The following AP3M1 variants were observed in gnomAD, a reference collection of about 807,000 sequenced individuals.
The protein encoded by AP3M1 is adaptor related protein complex 3 subunit mu 1, also known as AP-3 complex subunit mu-1.
A neutral mutation model predicts 42.6 loss-of-function variants in AP3M1; 29 were observed. The observed-to-expected ratio is 0.68, with a 90% confidence interval of 0.51 to 0.93. AP3M1 has a LOEUF of 0.93. Ranked by LOEUF, AP3M1 falls within the 40% of genes least tolerant of loss-of-function variation. The probability of loss-of-function intolerance (pLI) is 0.00; values close to 1 mark genes in which losing one functional copy is unlikely to be tolerated. For missense variants in AP3M1, 416 were observed against 510.2 expected (o/e 0.82, Z 1.78); for synonymous variants, 178 against 175.3 (o/e 1.02, Z -0.12).
Position 74,144,623 on chromosome 10 carries a change from T to C in AP3M1, c.-4+6132A>G, listed in dbSNP as rs193153267. On this transcript the variant is annotated intron_variant, in intron 1 of 8. Coordinates refer to ENST00000355264, the MANE Select transcript of AP3M1 (RefSeq NM_012095.6). ...TAAATAACCATATATGGTTAGTAGT[T>C]AATATATTGAACAGTGCATGAATGT... 2.0e-3 allele frequency among the ~76,000 whole-genome samples: 307 copies of C among 152,054 alleles called. 1 individual carries two copies. The highest frequency in any genetic ancestry group is 3.6e-3 in the Non-Finnish European group (242 of 67,988).
intron 1 of AP3M1, among the ~76,000 whole-genome samples, chr10:74,139,215 C>T (rs1841047070): frequency 6.6e-6 from 1 of 151,834 alleles, no homozygotes; most frequent in Non-Finnish European, 1.5e-5. Context: ...AATCCACACA[C>T]ACACAAAAAA....
intron 2 of AP3M1, 32 bp downstream of exon 2, chr10:74,138,075 T>C (rs1318925207): frequency 3.8e-6 from 6 of 1,590,576 alleles, no homozygotes; most frequent in Non-Finnish European, 5.1e-6. Context: ...ACTTGGGTCA[T>C]TTAACTTAGA....
chr10:74,127,003 T>TAAAAAAAAAAAAA (rs1440935313), intron 6 of AP3M1, among the ~76,000 whole-genome samples: 1 of 78,464 alleles, frequency 1.3e-5, no homozygotes, highest in Non-Finnish European at 2.6e-5. Context: ...AAAAAAAAAG[T>TAAAAAAAAAAAAA]AAAAAATAAC....
chr10:74,148,985 G>A (rs1841423946), intron 1 of AP3M1, among the ~76,000 whole-genome samples: 3 of 151,304 alleles, frequency 2.0e-5, no homozygotes, highest in South Asian at 2.1e-4. Context: ...CGATTCTCCT[G>A]CCTCAACCTC....
rs1488419728 is a variant in AP3M1, at chr10:74,121,938, A to C, written c.*1872T>G. The C allele has an allele frequency of 6.6e-6, 1 of 152,232 alleles. No individual in the cohort carries two copies. Among genetic ancestry groups the C allele is most frequent in the Non-Finnish European group, 1.5e-5 (1 of 68,050 alleles). The allele number at this position is 152,232 out of a possible 1,614,324, so 9.4% of individuals were successfully genotyped here. On this transcript the variant is annotated 3_prime_UTR_variant, in exon 9 of 9. Transcript: ENST00000355264. ...CTGGCGTACATTCTACTTGGATAGAAGAGAAGATAGCACAGGAGGAGAACT... is the reference window on the plus strand; with the variant it reads ...CTGGCGTACATTCTACTTGGATAGACGAGAAGATAGCACAGGAGGAGAACT...
intron 5 of AP3M1, 21 bp from the exon 6 acceptor site, chr10:74,129,262 A>G: frequency 1.2e-6 from 2 of 1,612,656 alleles, no homozygotes; most frequent in South Asian, 1.1e-5. Flanking sequence ...AACAGAAGAC[A>G]GTCGTTCATA....
Position 74,126,152 on chromosome 10 carries a change from G to C in AP3M1, c.1007C>G (p.Thr336Ser), listed in dbSNP as rs147479094. 59 of 1,614,028 alleles carry C rather than the reference G, an allele frequency of 3.7e-5. 1 individual carries two copies. In the South Asian group the frequency reaches 6.1e-4, roughly 17 times the overall value. Reference protein sequence around the residue: ...TQGSYTFDPVTKVLTWDVGKI... With the variant: ...TQGSYTFDPVSKVLTWDVGKI... ...CTTGATTTGAAGTGGCTGTACCTTG[G>C]TGACTGGATCAAATGTATAGCTGCC... is the stretch of plus-strand genomic sequence containing the variant. The change falls in exon 7 of 9, where the codon ACC (threonine) becomes AGC (serine). Residue 336 changes from threonine to serine, a missense_variant. Transcript: ENST00000355264.
intron 4 of AP3M1, among the ~76,000 whole-genome samples, chr10:74,131,160 AT>A (rs907614613): frequency 6.6e-6 from 1 of 151,324 alleles, no homozygotes; most frequent in Admixed American, 6.6e-5. Context: ...ATAGAATTTT[AT>A]TTTTTTTTAA....
intron 7 of AP3M1, among the ~76,000 whole-genome samples, chr10:74,124,783 T>C (rs1211196127): frequency 6.6e-6 from 1 of 152,146 alleles, no homozygotes; most frequent in Non-Finnish European, 1.5e-5. Flanking sequence ...TGTTGTCTCA[T>C]TGAGGGCTGT....
intron 1 of AP3M1, among the ~76,000 whole-genome samples, chr10:74,146,264 T>C (rs973915228): frequency 1.3e-5 from 2 of 152,176 alleles, no homozygotes; most frequent in African/African-American, 2.4e-5. Context: ...CAGAGACTGA[T>C]TGGTTCATGG....
chr10:74,124,957 C>T (rs1315706139), intron 7 of AP3M1, among the ~76,000 whole-genome samples: 3 of 151,404 alleles, frequency 2.0e-5, no homozygotes, highest in Non-Finnish European at 4.4e-5. Flanking sequence ...TCATAACCAT[C>T]TTCACTTTTC....
At chr10:74,139,587 G>A (rs1591759396) in intron 1 of AP3M1, among the ~76,000 whole-genome samples, 3 of 149,328 alleles carry the variant, frequency 2.0e-5, no homozygotes, top group African/African-American at 7.4e-5. Context: ...TTCAAGACCA[G>A]CCTGGCCAAC....
chr10:74,147,820 G>A (rs1316723081), intron 1 of AP3M1, among the ~76,000 whole-genome samples: 3 of 152,092 alleles, frequency 2.0e-5, no homozygotes, highest in Non-Finnish European at 1.5e-5. Context: ...CCAACATGGC[G>A]AAACCCTGTC....
Position 74,129,091 on chromosome 10 carries a change from C to T in AP3M1, c.803+17G>A. Reference sequence around the variant, plus strand: ...TGATATGTATGATGGCAGATTCTGGCTGATGCATCAACATACTTTTGTGAG... The same window carrying T: ...TGATATGTATGATGGCAGATTCTGGTTGATGCATCAACATACTTTTGTGAG... On this transcript the variant is annotated intron_variant, in intron 6 of 8. Transcript: ENST00000355264. 2 of 1,613,134 alleles carry T rather than the reference C, an allele frequency of 1.2e-6. No individual in the cohort carries two copies. The highest frequency in any genetic ancestry group is 1.7e-6 in the Non-Finnish European group (2 of 1,179,464).
At chr10:74,124,142 A>G (rs1840547940) in intron 8 of AP3M1, among the ~76,000 whole-genome samples, 1 of 152,176 alleles carries the variant, frequency 6.6e-6, no homozygotes, top group South Asian at 2.1e-4. Context: ...TGTGAATATG[A>G]ATAACTCTCT....
intron 3 of AP3M1, among the ~76,000 whole-genome samples, chr10:74,134,726 T>C (rs1161227262): frequency 6.6e-6 from 1 of 152,224 alleles, no homozygotes; most frequent in Non-Finnish European, 1.5e-5. Context: ...ATAAGTCTGG[T>C]TGTCCAAAAC....
chr10:74,139,913 C>CAAAA (rs35170560), intron 1 of AP3M1, among the ~76,000 whole-genome samples: 1 of 111,610 alleles, frequency 9.0e-6, no homozygotes, highest in Non-Finnish European at 1.8e-5. Context: ...GACTCCATCT[C>CAAAA]AAAAAAAAAA....
At chr10:74,140,704 C>A (rs7896966) in intron 1 of AP3M1, among the ~76,000 whole-genome samples, 111,765 of 152,028 alleles carry the variant, frequency 0.74, 41,818 homozygotes, top group Middle Eastern at 0.86. Context: ...AAGGACAGAC[C>A]TACAGATCAA....
chr10:74,140,593 T>A (rs1404936076), intron 1 of AP3M1, among the ~76,000 whole-genome samples: 5 of 150,124 alleles, frequency 3.3e-5, no homozygotes, highest in Non-Finnish European at 3.0e-5. Flanking sequence ...ATTGAAAAAA[T>A]ATATATATTT....
Sources: gnomAD v4.1 joint callset for allele counts (sites outside exome capture counted in the v4.1 genomes callset) on GRCh38, gnomAD v4.1.1 for gene constraint, MANE v1.5 for transcripts, NCBI Gene and HGNC (gene_info 2026-07-23, HGNC 2026-07-21) for gene names.